CECR2: variants seen among roughly 807,000 people sequenced by gnomAD.
CECR2 encodes the protein chromatin remodeling regulator CECR2.
In CECR2, 30 loss-of-function variants were observed where a neutral mutation model predicts 154.5. The ratio of observed to expected loss-of-function variants is 0.19; its 90% CI spans 0.15 to 0.26. CECR2 has a LOEUF of 0.26. Among genes scored for constraint, CECR2 ranks in the 10% least tolerant of loss-of-function variants. The probability of loss-of-function intolerance (pLI) is 1.00; values close to 1 mark genes in which losing one functional copy is unlikely to be tolerated. For synonymous variants in CECR2, 725 were observed against 683.7 expected (o/e 1.06, Z -0.94); for missense variants, 1,743 against 1,829.3 (o/e 0.95, Z 0.86).
intron 1 of CECR2, among the ~76,000 whole-genome samples, chr22:17,408,879 T>A (rs2054025048): frequency 6.6e-6 from 1 of 152,200 alleles, no homozygotes; most frequent in Admixed American, 6.5e-5. Context: ...TCCCTTACCA[T>A]TGCTTAGTGG....
chr22:17,495,860 T>TC (rs2055617085), intron 2 of CECR2, among the ~76,000 whole-genome samples: 1 of 35,206 alleles, frequency 2.8e-5, no homozygotes, highest in Non-Finnish European at 5.3e-5. Context: ...AGACTCTGTC[T>TC]CAAAAAAAAA....
rs534339263 is a variant in CECR2 at position 17,504,504 on chromosome 22, T to TCGGCTCACTGCAAGCTC, written c.701-340_701-324dup. 4.2e-3 allele frequency among the ~76,000 whole-genome samples: 633 copies of TCGGCTCACTGCAAGCTC among 152,150 alleles called. 6 individuals carry two copies. Among genetic ancestry groups the TCGGCTCACTGCAAGCTC allele is most frequent in the African/African-American group, 0.015 (605 of 41,552 alleles). ...CAGGCTGGAGTGCAGTGGCGTGATC[T>TCGGCTCACTGCAAGCTC]CGGCTCACTGCAAGCTCCGCCTCCC... is the stretch of plus-strand genomic sequence containing the variant. On this transcript the variant is annotated intron_variant, in intron 6 of 18. Transcript: ENST00000262608.
chr22:17,498,570 C>T (rs768230440), intron 3 of CECR2, among the ~76,000 whole-genome samples: 5 of 152,108 alleles, frequency 3.3e-5, no homozygotes, highest in Non-Finnish European at 5.9e-5. Flanking sequence ...ACGGTCTTTG[C>T]TGAGGACTCA....
At chr22:17,543,565 CTT>C (rs60659527) in intron 16 of CECR2, among the ~76,000 whole-genome samples, 24 of 143,528 alleles carry the variant, frequency 1.7e-4, no homozygotes, top group East Asian at 2.1e-4. Flanking sequence ...CCTCCTGAGA[CTT>C]TTTTTTTTTT....
intron 16 of CECR2, among the ~76,000 whole-genome samples, chr22:17,545,013 G>A (rs1405314728): frequency 6.6e-6 from 1 of 151,786 alleles, no homozygotes; most frequent in Non-Finnish European, 1.5e-5. Context: ...CTGTTCCTTG[G>A]ATACATACCT....
In CECR2 at chr22:17,540,583, G is replaced by A. The variant is rs921298824; in HGVS notation, c.1667G>A (p.Arg556His). 4.3e-6 allele frequency: 7 copies of A among 1,612,936 alleles called. No homozygotes were observed. The highest frequency in any genetic ancestry group is 3.3e-5 in the South Asian group (3 of 90,828). The change falls in exon 14 of 19, where the codon CGC becomes CAC. Residue 556 changes from arginine to histidine, a missense_variant. By Grantham distance (29) the Arg-to-His change is conservative. Around this residue, in one of 4 missense-constraint regions of CECR2, gnomAD observed 1,250 missense variants for 1,192.1 expected, o/e 1.05. Transcript: ENST00000262608. ...AGTGGTGGGAGCCATGTTTGGACCC[G>A]CTCCAGGGACCCAGAAGGGTCCAGC... ...GRSGGSHVWT[R>H]SRDPEGSSRK...
intron 9 of CECR2, among the ~76,000 whole-genome samples, chr22:17,536,714 G>T (rs983509199): frequency 6.6e-6 from 1 of 152,182 alleles, no homozygotes; most frequent in African/African-American, 2.4e-5. Context: ...CTTTTTTTAA[G>T]TAAAAGATCA....
At chr22:17,551,079 A>G (rs2056701436) in intron 17 of CECR2, among the ~76,000 whole-genome samples, 1 of 152,130 alleles carries the variant, frequency 6.6e-6, no homozygotes, top group African/African-American at 2.4e-5. Flanking sequence ...TGTTTGCTTT[A>G]TATGTCTCTA....
chr22:17,465,896 G>T (rs533237188), intron 1 of CECR2, among the ~76,000 whole-genome samples: 60 of 152,284 alleles, frequency 3.9e-4, no homozygotes, highest in African/African-American at 1.4e-3. Context: ...TGGGATTACA[G>T]GCATGAGCCA....
intron 8 of CECR2, among the ~76,000 whole-genome samples, chr22:17,520,541 A>G (rs2056139464): frequency 6.6e-6 from 1 of 152,132 alleles, no homozygotes; most frequent in Non-Finnish European, 1.5e-5. Context: ...CATCATTTAC[A>G]TTAGGTATTT....
intron 17 of CECR2, among the ~76,000 whole-genome samples, chr22:17,550,925 G>A (rs71328216): frequency 0.052 from 7,937 of 152,030 alleles, 282 homozygotes; most frequent in Non-Finnish European, 0.079. Context: ...CTGGGCAACA[G>A]AGCAAGACTC....
intron 1 of CECR2, among the ~76,000 whole-genome samples, chr22:17,430,479 A>C (rs2895937): frequency 2.0e-5 from 3 of 151,812 alleles, no homozygotes; most frequent in African/African-American, 7.3e-5. Context: ...CATCACACTC[A>C]ATTATCTCTA....
Position 17,507,068 on chromosome 22 carries a change from C to G in CECR2, c.870+2052C>G, listed in dbSNP as rs371908238. On this transcript the variant is annotated intron_variant, in intron 7 of 18. Transcript: ENST00000262608. ...TAATAGAGGACCAGAAATATTTGAC[C>G]ACTTGCCAGTGAAATATGAAGAGAA... Among the ~76,000 whole-genome samples, 153 of 152,232 alleles carry G rather than the reference C, an allele frequency of 1.0e-3. 3 individuals carry two copies. In the South Asian group the frequency reaches 0.019, roughly 19 times the overall value.
chr22:17,363,075 A>G (rs1028837866), intron 1 of CECR2, among the ~76,000 whole-genome samples: 127 of 148,594 alleles, frequency 8.5e-4, no homozygotes, highest in African/African-American at 2.9e-3. Flanking sequence ...TTTGAGACAG[A>G]GTCTTGCTCT....
At chr22:17,529,091 G>C (rs1601520848) in intron 9 of CECR2, among the ~76,000 whole-genome samples, 1 of 152,084 alleles carries the variant, frequency 6.6e-6, no homozygotes, top group Non-Finnish European at 1.5e-5. Context: ...GCAAAACCCT[G>C]TCTCAGACAA....
intron 2 of CECR2, among the ~76,000 whole-genome samples, chr22:17,484,095 G>A (rs999512683): frequency 1.2e-4 from 18 of 152,148 alleles, no homozygotes; most frequent in Non-Finnish European, 2.2e-4. Context: ...CTACCATCTA[G>A]GTTTATGTAA....
At chr22:17,419,567 A>G (rs1569070751) in intron 1 of CECR2, 5 of 231,210 alleles carry the variant, frequency 2.2e-5, no homozygotes, top group Middle Eastern at 5.3e-4. Context: ...AGGAGGAGGA[A>G]GAAAAGAAGA....
At chr22:17,430,768 G>T (rs557296945) in intron 1 of CECR2, among the ~76,000 whole-genome samples, 1 of 152,162 alleles carries the variant, frequency 6.6e-6, no homozygotes, top group South Asian at 2.1e-4. Context: ...TCTCTTGGTG[G>T]TTTTAAAAAC....
At chr22:17,532,614 T>A (rs1242630526) in intron 9 of CECR2, among the ~76,000 whole-genome samples, 1 of 150,968 alleles carries the variant, frequency 6.6e-6, no homozygotes, top group Non-Finnish European at 1.5e-5. Flanking sequence ...ATATTTGAGG[T>A]GGTGTATGAC....
Sources: allele counts gnomAD v4.1 joint callset (sites outside exome capture counted in the v4.1 genomes callset), GRCh38; gene constraint gnomAD v4.1.1; regional missense constraint gnomAD v4.1.1; transcripts MANE v1.5; gene names NCBI Gene and HGNC (gene_info 2026-07-23, HGNC 2026-07-21).